The following FOXO1 variants were observed in gnomAD, a reference collection of about 807,000 sequenced individuals.
FOXO1 encodes the protein forkhead box O1, also known as forkhead box protein O1.
FOXO1 carries 6 observed loss-of-function variants against 44.1 expected under a neutral mutation model. The ratio of observed to expected loss-of-function variants is 0.14; its 90% CI spans 0.07 to 0.27. The LOEUF (loss-of-function observed/expected upper bound fraction) is 0.27, where lower values mean the gene tolerates loss of function less well. FOXO1 is among the 10% of genes least tolerant of loss of function. FOXO1 has a pLI of 1.00. For missense variants in FOXO1, 737 were observed against 888.8 expected, an observed-to-expected ratio of 0.83 and a Z score of 2.17; for synonymous variants, 380 against 362.7, an observed-to-expected ratio of 1.05 and a Z score of -0.54.
At chr13:40,620,550 A>G in intron 1 of FOXO1, 1 of 441,418 alleles carries the variant, frequency 2.3e-6, no homozygotes, top group Non-Finnish European at 4.3e-6. Flanking sequence ...CTGGTTCTCC[A>G]AGTCAGAGCT....
intron 1 of FOXO1, among the ~76,000 whole-genome samples, chr13:40,656,606 C>T (rs190157811): frequency 6.6e-6 from 1 of 152,308 alleles, no homozygotes; most frequent in East Asian, 1.9e-4. Context: ...AGTACACTGG[C>T]TATAAATTGC....
At position 40,558,621 on chromosome 13, in the gene FOXO1, A is replaced by G. The variant is rs1473197500; in HGVS notation, c.*428T>C. ...CTTATCAAGACATGAGGCCCATCAC[A>G]GTATTACAAAAAGAGTATAAACTTT... On this transcript the variant is annotated 3_prime_UTR_variant, in exon 3 of 3. Transcript: ENST00000379561. 1 of 381,222 alleles carries G rather than the reference A, an allele frequency of 2.6e-6. No homozygotes were observed. Among genetic ancestry groups the G allele is most frequent in the African/African-American group, 2.1e-5 (1 of 48,284 alleles). 23.6% of individuals were successfully genotyped at this position (381,222 alleles called of 1,614,324 possible). A position where few individuals can be genotyped will look rare whatever the true frequency, so the allele number is the denominator to read the frequency against.
chr13:40,572,660 C>T (rs1874580930), intron 1 of FOXO1, among the ~76,000 whole-genome samples: 1 of 152,234 alleles, frequency 6.6e-6, no homozygotes, highest in Non-Finnish European at 1.5e-5. Flanking sequence ...AATCAAATAG[C>T]TTCCCAAATG....
intron 1 of FOXO1, among the ~76,000 whole-genome samples, chr13:40,649,825 A>C (rs1877621912): frequency 6.6e-6 from 1 of 152,186 alleles, no homozygotes. Flanking sequence ...ATTTTATTCC[A>C]CATTCCCCAC....
At chr13:40,650,169 TC>T (rs1877634000) in intron 1 of FOXO1, among the ~76,000 whole-genome samples, 2 of 152,126 alleles carry the variant, frequency 1.3e-5, no homozygotes, top group Admixed American at 1.3e-4. Flanking sequence ...TAGAGTAACT[TC>T]CTGACTTTGC....
At chr13:40,635,907 G>A (rs766592362) in intron 1 of FOXO1, among the ~76,000 whole-genome samples, 4 of 152,156 alleles carry the variant, frequency 2.6e-5, no homozygotes, top group African/African-American at 9.7e-5. Context: ...CCACAGTGGC[G>A]CCCATCTGTA....
intron 1 of FOXO1, among the ~76,000 whole-genome samples, chr13:40,633,395 G>A (rs1196903891): frequency 1.3e-5 from 2 of 152,108 alleles, no homozygotes; most frequent in African/African-American, 4.8e-5. Flanking sequence ...ACTGATAAAT[G>A]GATAAAATAT....
chr13:40,593,775 T>C (rs547887634), intron 1 of FOXO1, among the ~76,000 whole-genome samples: 291 of 152,312 alleles, frequency 1.9e-3, no homozygotes, highest in African/African-American at 6.8e-3. Flanking sequence ...AATCAGGACT[T>C]TGGATCCTTC....
intron 1 of FOXO1, among the ~76,000 whole-genome samples, chr13:40,647,203 CT>C (rs1877538247): frequency 6.6e-6 from 1 of 151,866 alleles, no homozygotes; most frequent in South Asian, 2.1e-4. Flanking sequence ...CCATATAATT[CT>C]TCCCCTCATC....
chr13:40,560,179 G>T lies in FOXO1; in HGVS notation c.1312C>A (p.Pro438Thr), dbSNP rs201530379. The T allele has an allele frequency of 2.4e-5, 38 of 1,613,998 alleles. 1 individual carries two copies. Among genetic ancestry groups the T allele is most frequent in the Admixed American group, 2.2e-4 (13 of 60,000 alleles). The change falls in exon 2 of 3, where the codon CCT becomes ACT. Residue 438 changes from proline to threonine, a missense_variant. Transcript: ENST00000379561. This position sits in a 1 kb window ranked among gnomAD's most constrained non-coding sequence, Gnocchi z 5.1. The part of the protein sequence containing the change: ...QSSMSPLPQM[P>T]IQTLQDNKSS... ...TTATTGTCCTGAAGTGTTTGTATAG[G>T]CATCTGGGGCAAAGGGCTCATGCTG...
chr13:40,630,585 G>A (rs1876929176), intron 1 of FOXO1, among the ~76,000 whole-genome samples: 1 of 152,058 alleles, frequency 6.6e-6, no homozygotes, highest in East Asian at 1.9e-4. Flanking sequence ...AACCCAAGAG[G>A]TGGAGGTTGG....
In FOXO1 at chr13:40,633,021, T is replaced by C. The variant is rs78045646; in HGVS notation, c.630+32562A>G. 9.0e-3 allele frequency among the ~76,000 whole-genome samples: 1,374 copies of C among 152,246 alleles called. 13 individuals carry two copies. The highest frequency in any genetic ancestry group is 0.017 in the Middle Eastern group (5 of 294). The stretch of plus-strand genomic sequence containing the variant: ...AAGCATATAAAAAGATGCTTAACAT[T>C]ATTTAGCATCAGAAAAATGGAAAAC... On this transcript the variant is annotated intron_variant, in intron 1 of 2. Coordinates refer to ENST00000379561, the MANE Select transcript of FOXO1 (RefSeq NM_002015.4).
chr13:40,654,513 AAAG>A (rs1593417091), intron 1 of FOXO1, among the ~76,000 whole-genome samples: 1 of 147,974 alleles, frequency 6.8e-6, no homozygotes, highest in East Asian at 2.0e-4. Context: ...AAAAAAAAAA[AAAG>A]AAGAAAAAGA....
intron 1 of FOXO1, among the ~76,000 whole-genome samples, chr13:40,608,929 C>T (rs1405222310): frequency 2.0e-5 from 3 of 152,100 alleles, no homozygotes; most frequent in Admixed American, 6.5e-5. Flanking sequence ...GAAGGGGGTA[C>T]GTGTATCTTC....
intron 1 of FOXO1, among the ~76,000 whole-genome samples, chr13:40,568,381 C>T (rs1246763480): frequency 6.6e-6 from 1 of 152,176 alleles, no homozygotes; most frequent in Non-Finnish European, 1.5e-5. Context: ...TCCCTCCCTC[C>T]TCCTTCCTCT....
chr13:40,659,098 C>T (rs775210027), intron 1 of FOXO1, among the ~76,000 whole-genome samples: 11 of 151,854 alleles, frequency 7.2e-5, no homozygotes, highest in Non-Finnish European at 1.2e-4. Flanking sequence ...GGGCAGATCA[C>T]GAGGTTAGGA....
intron 1 of FOXO1, among the ~76,000 whole-genome samples, chr13:40,564,155 G>A (rs1874165862): frequency 6.6e-6 from 1 of 152,106 alleles, no homozygotes; most frequent in Non-Finnish European, 1.5e-5. Context: ...TGATAAGCCT[G>A]TCAGATCACT....
intron 1 of FOXO1, chr13:40,562,629 C>T (rs1442431536): frequency 6.6e-6 from 1 of 152,240 alleles, no homozygotes; most frequent in Non-Finnish European, 1.5e-5. Flanking sequence ...CAAAGTCCTG[C>T]TTCTCTATTC....
At chr13:40,562,163 C>T (rs1301114491) in intron 1 of FOXO1, among the ~76,000 whole-genome samples, 1 of 152,120 alleles carries the variant, frequency 6.6e-6, no homozygotes, top group East Asian at 1.9e-4. Context: ...TCCAGTTCTA[C>T]CAATGACCAG....
Sources: gnomAD v4.1 joint callset for allele counts (sites outside exome capture counted in the v4.1 genomes callset) on GRCh38, gnomAD v4.1.1 for gene constraint, Gnocchi (gnomAD v3.1) non-coding constraint, MANE v1.5 for transcripts, NCBI Gene and HGNC (gene_info 2026-07-23, HGNC 2026-07-21) for gene names.